MED28: variants seen among roughly 807,000 people sequenced by gnomAD.
MED28 encodes mediator of RNA polymerase II transcription subunit 28.
A neutral mutation model predicts 21.3 loss-of-function variants in MED28; 26 were observed. The observed-to-expected ratio is 1.22, with a 90% confidence interval of 0.89 to 1.69. The LOEUF is 1.69. Among genes scored for constraint, MED28 ranks in the 40% most tolerant of loss-of-function variants. MED28 has a pLI of 0.00. For synonymous variants in MED28, 110 were observed against 87.6 expected, an observed-to-expected ratio of 1.26 and a Z score of -1.43; for missense variants, 257 against 215.4, an observed-to-expected ratio of 1.19 and a Z score of -1.21.
chr4:17,620,340 A>G (rs1304012979), intron 2 of MED28, among the ~76,000 whole-genome samples: 2 of 145,014 alleles, frequency 1.4e-5, no homozygotes, highest in Non-Finnish European at 3.0e-5. Flanking sequence ...ATTTCTTCGT[A>G]CCATATTTTA....
rs1164311883 is a variant in MED28 at position 17,632,567 on chromosome 4, G to T, written c.*8769G>T. 6.4e-7 allele frequency: 1 copy of T among 1,551,502 alleles called. No homozygotes were observed. ...AAGTACTTGGTGAACCATTCCTGGT[G>T]CGGAGAGCCCTGTTTCTGCTGGACT... On this transcript the variant is annotated 3_prime_UTR_variant, in exon 4 of 4. Coordinates refer to ENST00000237380, the MANE Select transcript of MED28 (RefSeq NM_025205.5).
intron 3 of MED28, among the ~76,000 whole-genome samples, chr4:17,622,121 C>T (rs774029512): frequency 2.6e-5 from 4 of 152,212 alleles, no homozygotes; most frequent in Non-Finnish European, 5.9e-5. Flanking sequence ...TTCCTGGAAA[C>T]TCAGGATTTC....
intron 3 of MED28, 49 bp downstream of exon 3, chr4:17,621,748 C>A (rs1307445380): frequency 8.2e-7 from 1 of 1,218,232 alleles, no homozygotes; most frequent in Non-Finnish European, 1.2e-6. Flanking sequence ...CTAAGTGGTG[C>A]CAGGATTCCT....
chr4:17,632,043 ATTTTTTTTTTTT>A lies in MED28; in HGVS notation c.*8278_*8289del, dbSNP rs199549580. 3.4e-3 allele frequency: 403 copies of A among 117,232 alleles called. No individual in the cohort carries two copies. The highest frequency in any genetic ancestry group is 0.013 in the African/African-American group (373 of 29,004). The allele number at this position is 117,232 out of a possible 1,614,324, so 7.3% of individuals were successfully genotyped here. On this transcript the variant is annotated 3_prime_UTR_variant, in exon 4 of 4. Transcript: ENST00000237380. Reference sequence around the variant, plus strand: ...TTTTAATAACACTGGTTTAATGTCAATTTTTTTTTTTTTTTTTTTTTTTTTTTTTTTTTTTTT... The same window carrying A: ...TTTTAATAACACTGGTTTAATGTCAATTTTTTTTTTTTTTTTTTTTTTTTT...
Position 17,625,580 on chromosome 4 carries a change from C to A in MED28, c.*1782C>A. 2.4e-6 allele frequency: 1 copy of A among 424,578 alleles called. No homozygotes were observed. The highest frequency in any genetic ancestry group is 1.7e-5 in the South Asian group (1 of 58,468). The allele number at this position is 424,578 out of a possible 1,614,324, so 26.3% of individuals were successfully genotyped here. On this transcript the variant is annotated 3_prime_UTR_variant, in exon 4 of 4. Coordinates refer to ENST00000237380, the MANE Select transcript of MED28 (RefSeq NM_025205.5). ...AAAGATTTTGAATTACTGTACGTAC[C>A]AGTTGTTGCCATTTCTTTATTAAAT...
rs1417488547 is a variant in MED28 at position 17,628,422 on chromosome 4, C to T, written c.*4624C>T. 6.6e-6 allele frequency: 1 copy of T among 152,056 alleles called. No homozygotes were observed. Among genetic ancestry groups the T allele is most frequent in the East Asian group, 1.9e-4 (1 of 5,188 alleles). The allele number at this position is 152,056 out of a possible 1,614,324, so 9.4% of individuals were successfully genotyped here. A position where few individuals can be genotyped will look rare whatever the true frequency, so the allele number is the denominator to read the frequency against. ...TATAAATAAGATGTATTGAGATGCT[C>T]AGTGCCCCCATTCTGACAGCATCCA... On this transcript the variant is annotated 3_prime_UTR_variant, in exon 4 of 4. Coordinates refer to ENST00000237380, the MANE Select transcript of MED28 (RefSeq NM_025205.5).
At position 17,632,579 on chromosome 4, in the gene MED28, G is replaced by A. The variant is rs748892604; in HGVS notation, c.*8781G>A. Reference sequence around the variant, plus strand: ...AACCATTCCTGGTGCGGAGAGCCCTGTTTCTGCTGGACTTCTTTGGCTTGG... The same window carrying A: ...AACCATTCCTGGTGCGGAGAGCCCTATTTCTGCTGGACTTCTTTGGCTTGG... On this transcript the variant is annotated 3_prime_UTR_variant, in exon 4 of 4. Transcript: ENST00000237380. 1.3e-6 allele frequency: 2 copies of A among 1,551,378 alleles called. No homozygotes were observed. Among genetic ancestry groups the A allele is most frequent in the South Asian group, 1.2e-5 (1 of 84,060 alleles).
chr4:17,632,560 TC>T lies in MED28; in HGVS notation c.*8764del. The T allele has an allele frequency of 6.4e-7, 1 of 1,551,496 alleles. No individual in the cohort carries two copies. Among genetic ancestry groups the T allele is most frequent in the Non-Finnish European group, 8.7e-7 (1 of 1,146,814 alleles). ...GAAAGAAAAGTACTTGGTGAACCAT[TC>T]CTGGTGCGGAGAGCCCTGTTTCTGC... is the stretch of plus-strand genomic sequence containing the variant. On this transcript the variant is annotated 3_prime_UTR_variant, in exon 4 of 4. Coordinates refer to ENST00000237380, the MANE Select transcript of MED28 (RefSeq NM_025205.5).
rs1255695197 is a variant in MED28 at position 17,625,121 on chromosome 4, A to C, written c.*1323A>C. The stretch of plus-strand genomic sequence containing the variant: ...CCAGCACCCATTCAGTTGCATCCCC[A>C]GGGCACAGGACTTTGATCTCTTCTG... On this transcript the variant is annotated 3_prime_UTR_variant, in exon 4 of 4. Coordinates refer to ENST00000237380, the MANE Select transcript of MED28 (RefSeq NM_025205.5). 1 of 152,376 alleles carries C rather than the reference A, an allele frequency of 6.6e-6. No individual in the cohort carries two copies. Among genetic ancestry groups the C allele is most frequent in the Non-Finnish European group, 1.5e-5 (1 of 68,254 alleles). 9.4% of individuals were successfully genotyped at this position (152,376 alleles called of 1,614,324 possible).
In MED28 at chr4:17,632,948, G is replaced by C. The variant is rs1715007385; in HGVS notation, c.*9150G>C. 1 of 189,464 alleles carries C rather than the reference G, an allele frequency of 5.3e-6. No individual in the cohort carries two copies. The highest frequency in any genetic ancestry group is 1.1e-5 in the Non-Finnish European group (1 of 89,944). The allele number at this position is 189,464 out of a possible 1,614,324, so 11.7% of individuals were successfully genotyped here. On this transcript the variant is annotated 3_prime_UTR_variant, in exon 4 of 4. Transcript: ENST00000237380. ...CTTTGTTTTTATTTTTTGTGACAGA[G>C]TCTCCCTCTGTCACCCAGGCTGGAG...
At chr4:17,616,781 T>G (rs1714466289) in intron 1 of MED28, among the ~76,000 whole-genome samples, 1 of 152,024 alleles carries the variant, frequency 6.6e-6, no homozygotes, top group East Asian at 1.9e-4. Flanking sequence ...GCTAATACAG[T>G]GGTAGTAGAT....
At chr4:17,620,873 G>GT (rs912340393) in intron 2 of MED28, among the ~76,000 whole-genome samples, 3 of 151,246 alleles carry the variant, frequency 2.0e-5, no homozygotes, top group African/African-American at 4.9e-5. Context: ...GCTAATTTTT[G>GT]TTTTTTTATT....
Position 17,632,692 on chromosome 4 carries a change from C to T in MED28, c.*8894C>T, listed in dbSNP as rs1268350040. On this transcript the variant is annotated 3_prime_UTR_variant, in exon 4 of 4. Coordinates refer to ENST00000237380, the MANE Select transcript of MED28 (RefSeq NM_025205.5). Reference sequence around the variant, plus strand: ...ATGCAAGAAGCAGCTTAATACCCACCATCTTTTCAGGGAAAGATAACTGCT... The same window carrying T: ...ATGCAAGAAGCAGCTTAATACCCACTATCTTTTCAGGGAAAGATAACTGCT... 9.4e-7 allele frequency: 1 copy of T among 1,058,640 alleles called. No homozygotes were observed. Among genetic ancestry groups the T allele is most frequent in the Admixed American group, 2.3e-5 (1 of 42,616 alleles). The allele number at this position is 1,058,640 out of a possible 1,614,324, so 65.6% of individuals were successfully genotyped here.
rs1714864663 is a variant in MED28 at position 17,629,557 on chromosome 4, C to T, written c.*5759C>T. On this transcript the variant is annotated 3_prime_UTR_variant, in exon 4 of 4. Transcript: ENST00000237380. ...GCTTTCATGTGGAACAGATAGTATTCCTTTCAGTTTTGCTGCAGGAACATA... is the reference window on the plus strand; with the variant it reads ...GCTTTCATGTGGAACAGATAGTATTTCTTTCAGTTTTGCTGCAGGAACATA... 1 of 152,176 alleles carries T rather than the reference C, an allele frequency of 6.6e-6. No homozygotes were observed. Among genetic ancestry groups the T allele is most frequent in the East Asian group, 1.9e-4 (1 of 5,192 alleles). 9.4% of individuals were successfully genotyped at this position (152,176 alleles called of 1,614,324 possible). A position where few individuals can be genotyped will look rare whatever the true frequency, so the allele number is the denominator to read the frequency against.
intron 3 of MED28, 94 bp from the exon 4 acceptor site, chr4:17,623,507 C>T (rs1714691487): frequency 8.3e-7 from 1 of 1,203,330 alleles, no homozygotes; most frequent in Admixed American, 1.9e-5. Flanking sequence ...TTAATGGATT[C>T]TCTTTGTTTT....
Position 17,614,820 on chromosome 4 carries a change from T to C in MED28, c.159+7T>C. On this transcript the variant is annotated splice_region_variant and intron_variant, in intron 1 of 3. Coordinates refer to ENST00000237380, the MANE Select transcript of MED28 (RefSeq NM_025205.5). ...GTTGGAGTCATCTTTCGAGGTAATATAAGACATGGGCGTCTTTGTCCCTAG... is the reference window on the plus strand; with the variant it reads ...GTTGGAGTCATCTTTCGAGGTAATACAAGACATGGGCGTCTTTGTCCCTAG... 5 of 1,597,278 alleles carry C rather than the reference T, an allele frequency of 3.1e-6. No individual in the cohort carries two copies. The highest frequency in any genetic ancestry group is 4.3e-6 in the Non-Finnish European group (5 of 1,172,630).
At chr4:17,616,537 G>C (rs1172836209) in intron 1 of MED28, among the ~76,000 whole-genome samples, 3 of 152,180 alleles carry the variant, frequency 2.0e-5, no homozygotes, top group Admixed American at 2.0e-4. Flanking sequence ...CCCAGGCTTT[G>C]CATGTTGCGT....
Position 17,619,877 on chromosome 4 carries a change from C to G in MED28, c.160-24C>G, listed in dbSNP as rs765583807. ...TTTGATGTATAAATGATATTTTTTT[C>G]TTTCCTATGTTTTGATTACACAGGC... On this transcript the variant is annotated intron_variant, in intron 1 of 3. Coordinates refer to ENST00000237380, the MANE Select transcript of MED28 (RefSeq NM_025205.5). The G allele has an allele frequency of 8.7e-6, 14 of 1,607,604 alleles. No homozygotes were observed. In the Admixed American group the frequency reaches 1.2e-4, roughly 14 times the overall value.
rs548375962 is a variant in MED28 at position 17,625,786 on chromosome 4, C to G, written c.*1988C>G. The stretch of plus-strand genomic sequence containing the variant: ...GGAATGCCCTCTGCCAAGCACTGCT[C>G]TGGTACTGGGGAGTGGAGTATTATG... On this transcript the variant is annotated 3_prime_UTR_variant, in exon 4 of 4. Transcript: ENST00000237380. 12 of 396,442 alleles carry G rather than the reference C, an allele frequency of 3.0e-5. No homozygotes were observed. The highest frequency in any genetic ancestry group is 2.2e-4 in the South Asian group (12 of 53,900). 24.6% of individuals were successfully genotyped at this position (396,442 alleles called of 1,614,324 possible). A position where few individuals can be genotyped will look rare whatever the true frequency, so the allele number is the denominator to read the frequency against.
Sources: allele counts gnomAD v4.1 joint callset (sites outside exome capture counted in the v4.1 genomes callset), GRCh38; gene constraint gnomAD v4.1.1; transcripts MANE v1.5; gene names NCBI Gene and HGNC (gene_info 2026-07-23, HGNC 2026-07-21).